INTS7: variants seen among roughly 807,000 people sequenced by gnomAD.
The protein encoded by INTS7 is chromosome 1 open reading frame 73.
INTS7 carries 46 observed loss-of-function variants against 109.2 expected under a neutral mutation model. The observed-to-expected ratio is 0.42, with a 90% CI of 0.33 to 0.54. INTS7 has a LOEUF of 0.54. INTS7 is among the 20% of genes least tolerant of loss of function. The pLI is 0.07. For synonymous variants in INTS7, 412 were observed against 402.9 expected, an observed-to-expected ratio of 1.02 and a Z score of -0.27; for missense variants, 929 against 1,132.4, an observed-to-expected ratio of 0.82 and a Z score of 2.58.
chr1:212,002,407 T>C (rs1297559544), intron 7 of INTS7, among the ~76,000 whole-genome samples: 1 of 152,240 alleles, frequency 6.6e-6, no homozygotes, highest in Non-Finnish European at 1.5e-5. Context: ...CTGCTCAGAA[T>C]CTTCCAGAGG....
At chr1:211,972,817 T>A (rs944964358) in intron 13 of INTS7, among the ~76,000 whole-genome samples, 3 of 152,194 alleles carry the variant, frequency 2.0e-5, no homozygotes, top group Non-Finnish European at 4.4e-5. Context: ...AGGAAATACA[T>A]TCTGCAACAA....
chr1:211,987,280 G>C (rs1005077353), intron 8 of INTS7, among the ~76,000 whole-genome samples: 1 of 152,012 alleles, frequency 6.6e-6, no homozygotes, highest in African/African-American at 2.4e-5. Flanking sequence ...CTGGGTAACA[G>C]AGTGAGACTC....
rs1396188430 is a variant in INTS7 at position 211,991,885 on chromosome 1, G to A, written c.880-3882C>T. ...TATGAATGAGTGAGGACAGTTAAGT[G>A]CCAAAGAGGCCAAGAGAAGGGGCAG... On this transcript the variant is annotated intron_variant, in intron 7 of 19. Coordinates refer to ENST00000366994, the MANE Select transcript of INTS7 (RefSeq NM_015434.4). 3.3e-5 allele frequency among the ~76,000 whole-genome samples: 5 copies of A among 152,208 alleles called. No individual in the cohort carries two copies. In the East Asian group the frequency reaches 9.6e-4, roughly 29 times the overall value.
rs565501918 is a variant in INTS7, at chr1:211,960,244, C to T, written c.2183+6186G>A. On this transcript the variant is annotated intron_variant, in intron 16 of 19. Transcript: ENST00000366994. The stretch of plus-strand genomic sequence containing the variant: ...TGGAAATGAAGCCAGTTGATTAAAC[C>T]CACCTTATACCACAATCAAACTCTC... 2.6e-5 allele frequency among the ~76,000 whole-genome samples: 4 copies of T among 151,916 alleles called. No homozygotes were observed. In the South Asian group the frequency reaches 6.2e-4, roughly 24 times the overall value.
intron 1 of INTS7, among the ~76,000 whole-genome samples, chr1:212,024,491 T>C (rs1221938183): frequency 6.6e-6 from 1 of 152,220 alleles, no homozygotes; most frequent in African/African-American, 2.4e-5. Flanking sequence ...ACATACTATA[T>C]ACATAGCAAT....
chr1:211,987,025 A>G (rs1363718135), intron 8 of INTS7, among the ~76,000 whole-genome samples: 3 of 152,204 alleles, frequency 2.0e-5, no homozygotes, highest in African/African-American at 4.8e-5. Flanking sequence ...GCCTGGGCAC[A>G]GTGGCTCATG....
intron 1 of INTS7, chr1:212,030,737 C>T (rs1230748384): frequency 6.6e-6 from 1 of 152,164 alleles, no homozygotes; most frequent in African/African-American, 2.4e-5. Context: ...AATTAGTCAC[C>T]TGGAACAAAT....
chr1:211,950,521 C>T (rs1264279436), intron 17 of INTS7, among the ~76,000 whole-genome samples: 3 of 152,226 alleles, frequency 2.0e-5, no homozygotes, highest in Non-Finnish European at 4.4e-5. Context: ...ATCCGCCCAC[C>T]TTGGCCTCCC....
At chr1:212,032,644 T>G (rs1299837654) in intron 1 of INTS7, among the ~76,000 whole-genome samples, 1 of 152,032 alleles carries the variant, frequency 6.6e-6, no homozygotes, top group East Asian at 1.9e-4. Flanking sequence ...GCCTGGCTAA[T>G]TTTTTGTATT....
chr1:212,017,144 C>A, intron 3 of INTS7, 121 bp from the exon 4 acceptor site: 1 of 644,290 alleles, frequency 1.6e-6, no homozygotes, highest in Non-Finnish European at 2.5e-6. Context: ...TATGTAACTC[C>A]AGTTAATAAA....
At chr1:212,034,778 A>AC (rs1357921684) in intron 1 of INTS7, among the ~76,000 whole-genome samples, 1 of 151,850 alleles carries the variant, frequency 6.6e-6, no homozygotes, top group Non-Finnish European at 1.5e-5. Context: ...ACTCAGTGTA[A>AC]CCCCAAAGCT....
intron 13 of INTS7, among the ~76,000 whole-genome samples, chr1:211,973,271 G>A (rs1432838851): frequency 1.3e-5 from 2 of 152,178 alleles, no homozygotes; most frequent in Non-Finnish European, 2.9e-5. Context: ...CTGACCCACA[G>A]AAACTGTGAA....
chr1:212,016,068 G>A (rs181218743), intron 4 of INTS7, among the ~76,000 whole-genome samples: 15 of 152,010 alleles, frequency 9.9e-5, no homozygotes, highest in East Asian at 3.9e-4. Context: ...AGTTGTTACC[G>A]TATTCTATTG....
chr1:212,035,092 A>C (rs1411997270), intron 1 of INTS7, among the ~76,000 whole-genome samples: 2 of 152,212 alleles, frequency 1.3e-5, no homozygotes, highest in Admixed American at 1.3e-4. Flanking sequence ...CTGCTCCCTC[A>C]AGTGGTCAAA....
intron 7 of INTS7, among the ~76,000 whole-genome samples, chr1:211,989,238 T>C (rs531460492): frequency 6.6e-6 from 1 of 152,042 alleles, no homozygotes; most frequent in African/African-American, 2.4e-5. Flanking sequence ...TCAGAAAACA[T>C]CCAGAAAAAC....
In INTS7 at chr1:211,942,256, GGAGTCT is replaced by G. The variant is rs1218083970; in HGVS notation, c.2602-151_2602-146del. 1 of 818,352 alleles carries G rather than the reference GGAGTCT, an allele frequency of 1.2e-6. No individual in the cohort carries two copies. Among genetic ancestry groups the G allele is most frequent in the African/African-American group, 1.7e-5 (1 of 57,950 alleles). 50.7% of individuals were successfully genotyped at this position (818,352 alleles called of 1,614,324 possible). On this transcript the variant is annotated intron_variant, in intron 19 of 19. Transcript: ENST00000366994. The surrounding 1 kb of genome is among the most constrained non-coding windows in gnomAD (Gnocchi z 4.2). ...GCTATCATCCTTGCTTCACCGATGA[GGAGTCT>G]AAGGCAGACAGGTTAAGTAATGTCT...
chr1:212,014,262 C>A (rs1666297783), intron 4 of INTS7, among the ~76,000 whole-genome samples: 1 of 151,900 alleles, frequency 6.6e-6, no homozygotes, highest in Non-Finnish European at 1.5e-5. Context: ...GTCAGGAGTT[C>A]AAGACGAGCC....
At chr1:211,967,451 CA>C (rs35896290) in intron 15 of INTS7, among the ~76,000 whole-genome samples, 14,485 of 82,150 alleles carry the variant, frequency 0.18, 528 homozygotes, top group African/African-American at 0.21. Flanking sequence ...GACTCCATCT[CA>C]AAAAAAAAAA....
Position 212,024,976 on chromosome 1 carries a change from G to T in INTS7, c.95-3764C>A, listed in dbSNP as rs77285593. On this transcript the variant is annotated intron_variant, in intron 1 of 19. Transcript: ENST00000366994. ...AGAGGCCTGTTTCCATCCTAAATGC[G>T]CAACTAGACTTTACTAATTTGACTC... 6.6e-3 allele frequency among the ~76,000 whole-genome samples: 1,001 copies of T among 152,214 alleles called. 11 individuals are homozygous for T. The highest frequency in any genetic ancestry group is 0.023 in the African/African-American group (950 of 41,526).
Sources: gnomAD v4.1 joint callset for allele counts (sites outside exome capture counted in the v4.1 genomes callset) on GRCh38, gnomAD v4.1.1 for gene constraint, Gnocchi (gnomAD v3.1) non-coding constraint, MANE v1.5 for transcripts, NCBI Gene and HGNC (gene_info 2026-07-23, HGNC 2026-07-21) for gene names.